ARID4A: variants seen among roughly 807,000 people sequenced by gnomAD.
ARID4A encodes the protein AT-rich interactive domain-containing protein 4A.
A neutral mutation model predicts 148.6 loss-of-function variants in ARID4A; 39 were observed. That is an observed-to-expected ratio of 0.26 (90% CI 0.20 to 0.34). The LOEUF (loss-of-function observed/expected upper bound fraction) is 0.34. Among genes scored for constraint, ARID4A ranks in the 10% least tolerant of loss-of-function variants. ARID4A has a pLI of 1.00. For missense variants in ARID4A, 1,265 were observed against 1,449.1 expected (o/e 0.87, Z 2.06); for synonymous variants, 475 against 481.2 (o/e 0.99, Z 0.17).
At position 58,364,815 on chromosome 14, in the gene ARID4A, A is replaced by C; in HGVS notation, c.2726A>C (p.Glu909Ala). The change falls in exon 20 of 24, where the codon GAA becomes GCA. Residue 909 changes from glutamate (E) to alanine (A), a missense_variant. Physicochemically the swap from Glu to Ala is moderately radical, Grantham distance 107. Coordinates refer to ENST00000355431, the MANE Select transcript of ARID4A (RefSeq NM_002892.4). Reference sequence around the variant, plus strand: ...GAACAGCACTTTGAAAGAGAAAATGAAGGAATGCCATCATTGATAGCAGAG... The same window carrying C: ...GAACAGCACTTTGAAAGAGAAAATGCAGGAATGCCATCATTGATAGCAGAG... ...NFEQHFEREN[E>A]GMPSLIAESN... The C allele has an allele frequency of 6.2e-7, 1 of 1,614,132 alleles. No individual in the cohort carries two copies. Among genetic ancestry groups the C allele is most frequent in the Non-Finnish European group, 8.5e-7 (1 of 1,180,024 alleles).
chr14:58,308,056 G>T (rs900141139), intron 5 of ARID4A, among the ~76,000 whole-genome samples: 5 of 152,006 alleles, frequency 3.3e-5, no homozygotes, highest in African/African-American at 4.8e-5. Flanking sequence ...TTACTTTTCA[G>T]GTTTTCTCAT....
At chr14:58,339,159 T>G (rs2033984301) in intron 11 of ARID4A, among the ~76,000 whole-genome samples, 1 of 151,456 alleles carries the variant, frequency 6.6e-6, no homozygotes, top group Non-Finnish European at 1.5e-5. Context: ...TTTTTTTTTA[T>G]AGAGACAAAG....
In ARID4A at chr14:58,347,686, T is replaced by C. The variant is rs151044235; in HGVS notation, c.1212T>C (p.Asn404=). 6.6e-5 allele frequency: 107 copies of C among 1,612,180 alleles called. No individual in the cohort carries two copies. In the Admixed American group the frequency reaches 1.7e-3, roughly 26 times the overall value. ...YGFEEYCRSA[N]IQFRTVHHHE... ...TTGAGGAGTACTGCCGTTCGGCAAA[T>C]ATTCAGTTCAGAACTGTTCATCACC... Residue 404 remains asparagine (N), a synonymous_variant, in exon 15 of 24, where the codon AAT becomes AAC. Transcript: ENST00000355431.
chr14:58,372,953 TG>T lies in ARID4A; in HGVS notation c.*966del, dbSNP rs2035670839. 5.3e-6 allele frequency: 1 copy of T among 188,060 alleles called. No homozygotes were observed. Among genetic ancestry groups the T allele is most frequent in the South Asian group, 1.9e-4 (1 of 5,140 alleles). 11.6% of individuals were successfully genotyped at this position (188,060 alleles called of 1,614,324 possible). ...GAAAATTCTAGGTTAATTCACTCTT[TG>T]GATGACAATAGCTCTCAGCTGTCCT... On this transcript the variant is annotated 3_prime_UTR_variant, in exon 24 of 24. Coordinates refer to ENST00000355431, the MANE Select transcript of ARID4A (RefSeq NM_002892.4).
At chr14:58,329,703 A>G in intron 10 of ARID4A, 99 bp downstream of exon 10, 1 of 1,129,160 alleles carries the variant, frequency 8.9e-7, no homozygotes, top group Non-Finnish European at 1.3e-6. Flanking sequence ...CACCATTTTA[A>G]CTGTTTAGAG....
At chr14:58,340,229 T>C (rs1044634339) in intron 11 of ARID4A, among the ~76,000 whole-genome samples, 9 of 152,148 alleles carry the variant, frequency 5.9e-5, no homozygotes, top group African/African-American at 1.9e-4. Flanking sequence ...TTCTACTTCT[T>C]CTTCTTCTTT....
At chr14:58,350,944 T>G in intron 15 of ARID4A, 129 bp from the exon 16 acceptor site, 1 of 772,788 alleles carries the variant, frequency 1.3e-6, no homozygotes, top group Admixed American at 3.5e-5. Context: ...AAGGTACCTT[T>G]GAGTTGGTTT....
chr14:58,356,902 A>G (rs1366043686), intron 17 of ARID4A, among the ~76,000 whole-genome samples: 1 of 152,040 alleles, frequency 6.6e-6, no homozygotes, highest in East Asian at 1.9e-4. Context: ...GGGTTTCACC[A>G]TGTTGGCCAG....
chr14:58,359,365 C>A, intron 18 of ARID4A, 149 bp downstream of exon 18: 1 of 636,634 alleles, frequency 1.6e-6, no homozygotes, highest in Non-Finnish European at 2.6e-6. Flanking sequence ...CTGCCCCATG[C>A]ATGCATAGCC....
At chr14:58,325,379 C>T (rs2033153308) in intron 8 of ARID4A, among the ~76,000 whole-genome samples, 1 of 152,016 alleles carries the variant, frequency 6.6e-6, no homozygotes, top group African/African-American at 2.4e-5. Context: ...CCTCCCTGGG[C>T]TTAGGTGATC....
rs770601760 is a variant in ARID4A, at chr14:58,299,788, C to T, written c.-57-10C>T. On this transcript the variant is annotated splice_polypyrimidine_tract_variant and intron_variant, in intron 1 of 23. Transcript: ENST00000355431. ...ATTATGTCTGTGCCTGTCTTTCCCC[C>T]TCCCCATAGTTCTAGCGACTGCGAA... The T allele has an allele frequency of 1.2e-6, 2 of 1,611,404 alleles. No individual in the cohort carries two copies. The highest frequency in any genetic ancestry group is 1.1e-5 in the South Asian group (1 of 90,998).
intron 16 of ARID4A, among the ~76,000 whole-genome samples, chr14:58,352,742 G>A (rs960650750): frequency 2.0e-5 from 3 of 152,130 alleles, no homozygotes; most frequent in Admixed American, 6.5e-5. Flanking sequence ...ACAGAGCCCA[G>A]TAGTACTTGT....
At chr14:58,356,620 T>C (rs1376987101) in intron 17 of ARID4A, among the ~76,000 whole-genome samples, 1 of 152,098 alleles carries the variant, frequency 6.6e-6, no homozygotes, top group East Asian at 1.9e-4. Context: ...CTTATAGTGG[T>C]TCAACTTCAA....
chr14:58,313,604 T>C (rs2032202197), intron 5 of ARID4A, among the ~76,000 whole-genome samples: 1 of 152,192 alleles, frequency 6.6e-6, no homozygotes, highest in Non-Finnish European at 1.5e-5. Context: ...CTATGAGGAC[T>C]GAGAATGACC....
chr14:58,372,886 AT>A lies in ARID4A; in HGVS notation c.*902del, dbSNP rs1385206127. The A allele has an allele frequency of 1.1e-5, 2 of 179,012 alleles. No homozygotes were observed. Among genetic ancestry groups the A allele is most frequent in the African/African-American group, 2.4e-5 (1 of 42,322 alleles). 11.1% of individuals were successfully genotyped at this position (179,012 alleles called of 1,614,324 possible). A position where few individuals can be genotyped will look rare whatever the true frequency, so the allele number is the denominator to read the frequency against. On this transcript the variant is annotated 3_prime_UTR_variant, in exon 24 of 24. Coordinates refer to ENST00000355431, the MANE Select transcript of ARID4A (RefSeq NM_002892.4). ...TATTTATTCAGACATTGGATGTTGT[AT>A]TTTTATGTATTTTTTAAAATATTAA...
In ARID4A at chr14:58,346,392, A is replaced by C; in HGVS notation, c.980-19A>C. On this transcript the variant is annotated intron_variant, in intron 12 of 23. Coordinates refer to ENST00000355431, the MANE Select transcript of ARID4A (RefSeq NM_002892.4). ...TCATTTGAATAAACATTTTATTTCT[A>C]CCTACTTACATTGAAAAGGTACTCC... The C allele has an allele frequency of 6.6e-7, 1 of 1,519,464 alleles. No homozygotes were observed. The highest frequency in any genetic ancestry group is 9.1e-7 in the Non-Finnish European group (1 of 1,104,356). 94.1% of individuals were successfully genotyped at this position (1,519,464 alleles called of 1,614,324 possible).
intron 2 of ARID4A, among the ~76,000 whole-genome samples, chr14:58,300,416 A>ATGTG (rs1200786457): frequency 6.6e-6 from 1 of 152,238 alleles, no homozygotes; most frequent in Non-Finnish European, 1.5e-5. Flanking sequence ...AAATATCAGT[A>ATGTG]TGTGGATGGT....
intron 2 of ARID4A, among the ~76,000 whole-genome samples, chr14:58,300,407 A>G (rs989139259): frequency 6.6e-6 from 1 of 152,236 alleles, no homozygotes; most frequent in Non-Finnish European, 1.5e-5. Context: ...GATGACTGCA[A>G]ATATCAGTAT....
At chr14:58,333,868 TG>T (rs2033660659) in intron 11 of ARID4A, among the ~76,000 whole-genome samples, 1 of 152,170 alleles carries the variant, frequency 6.6e-6, no homozygotes, top group South Asian at 2.1e-4. Context: ...ATATTTTAAA[TG>T]TAATGTTAAT....
Sources: allele counts gnomAD v4.1 joint callset (sites outside exome capture counted in the v4.1 genomes callset), GRCh38; gene constraint gnomAD v4.1.1; transcripts MANE v1.5; gene names NCBI Gene and HGNC (gene_info 2026-07-23, HGNC 2026-07-21).